The following KCTD16 variants were observed in gnomAD, a reference collection of about 807,000 sequenced individuals.
The protein encoded by KCTD16 is potassium channel tetramerization domain containing 16, also known as BTB/POZ domain-containing protein KCTD16.
KCTD16 carries 13 observed loss-of-function variants against 33.2 expected under a neutral mutation model. The ratio of observed to expected loss-of-function variants is 0.39; its 90% CI spans 0.25 to 0.62. The LOEUF (loss-of-function observed/expected upper bound fraction) is 0.62, where lower values mean the gene tolerates loss of function less well. KCTD16 is among the 20% of genes least tolerant of loss of function. The pLI is 0.50. For synonymous variants in KCTD16, 197 were observed against 195.3 expected (o/e 1.01, Z -0.07); for missense variants, 441 against 525.1 (o/e 0.84, Z 1.57).
chr5:144,333,435 C>T (rs966472761), intron 3 of KCTD16, among the ~76,000 whole-genome samples: 1 of 152,144 alleles, frequency 6.6e-6, no homozygotes, highest in African/African-American at 2.4e-5. Context: ...AGAATCCACC[C>T]AGAATCTCAG....
At chr5:144,296,882 T>G (rs994031030) in intron 3 of KCTD16, among the ~76,000 whole-genome samples, 3 of 152,236 alleles carry the variant, frequency 2.0e-5, no homozygotes, top group African/African-American at 2.4e-5. Flanking sequence ...TGTGGATAAC[T>G]TAGAAGAAAA....
chr5:144,369,322 T>C (rs539132262), intron 3 of KCTD16: 1 of 150,984 alleles, frequency 6.6e-6, no homozygotes, highest in African/African-American at 2.5e-5. Flanking sequence ...CTCTACTGTT[T>C]GTTTTTAGAG....
intron 3 of KCTD16, among the ~76,000 whole-genome samples, chr5:144,416,174 C>T (rs1753049083): frequency 6.6e-6 from 1 of 152,148 alleles, no homozygotes; most frequent in African/African-American, 2.4e-5. Context: ...CTGAATAATT[C>T]TCTCAGTGTT....
chr5:144,276,653 C>T (rs1755445377), intron 3 of KCTD16, among the ~76,000 whole-genome samples: 2 of 152,192 alleles, frequency 1.3e-5, no homozygotes, highest in African/African-American at 4.8e-5. Flanking sequence ...CCTGTAATCT[C>T]AGCAATTTGG....
intron 3 of KCTD16, among the ~76,000 whole-genome samples, chr5:144,436,116 C>T (rs746174838): frequency 1.2e-4 from 19 of 152,198 alleles, no homozygotes; most frequent in Non-Finnish European, 2.5e-4. Context: ...ACCTGTTGTG[C>T]AGATGTGACT....
chr5:144,474,139 A>G lies in KCTD16; in HGVS notation c.*25A>G. ...AGGGAGGGCTGGGGGCGGGAAAAGA[A>G]AAAAAAAAGTCATTTTGAAATTAAC... On this transcript the variant is annotated 3_prime_UTR_variant, in exon 4 of 4. Coordinates refer to ENST00000512467, the MANE Select transcript of KCTD16 (RefSeq NM_020768.4). The G allele has an allele frequency of 6.6e-7, 1 of 1,517,124 alleles. No homozygotes were observed. Among genetic ancestry groups the G allele is most frequent in the Non-Finnish European group, 8.9e-7 (1 of 1,123,990 alleles). The allele number at this position is 1,517,124 out of a possible 1,614,324, so 94.0% of individuals were successfully genotyped here.
intron 3 of KCTD16, among the ~76,000 whole-genome samples, chr5:144,312,573 C>G (rs1422714): frequency 0.11 from 17,475 of 152,194 alleles, 2,589 homozygotes; most frequent in African/African-American, 0.34. Context: ...TCACTACAAG[C>G]ATGTGGTCTC....
intron 3 of KCTD16, among the ~76,000 whole-genome samples, chr5:144,319,208 T>C (rs1016302788): frequency 1.6e-4 from 24 of 152,290 alleles, no homozygotes; most frequent in African/African-American, 5.5e-4. Flanking sequence ...CAATATTATA[T>C]TTGATTCTCA....
chr5:144,402,226 G>A (rs1390546432), intron 3 of KCTD16, among the ~76,000 whole-genome samples: 1 of 152,146 alleles, frequency 6.6e-6, no homozygotes, highest in Admixed American at 6.5e-5. Context: ...CTGTTCGTTG[G>A]CTATAGAAGG....
rs115645024 is a variant in KCTD16 at position 144,229,866 on chromosome 5, G to T, written c.832+22320G>T. 5.6e-3 allele frequency among the ~76,000 whole-genome samples: 854 copies of T among 152,324 alleles called. 5 individuals carry two copies. Among genetic ancestry groups the T allele is most frequent in the Non-Finnish European group, 0.01 (707 of 68,018 alleles). ...CTATTAAACAGGAGTGCAAGGCTGG[G>T]TGCAGTGGCTCACATCTGTAATCCC... On this transcript the variant is annotated intron_variant, in intron 3 of 3. Transcript: ENST00000512467.
intron 3 of KCTD16, among the ~76,000 whole-genome samples, chr5:144,334,890 C>T (rs1752443985): frequency 6.6e-6 from 1 of 152,096 alleles, no homozygotes; most frequent in Admixed American, 6.6e-5. Context: ...GATCCTCCCA[C>T]CTCAGCTTCC....
intron 3 of KCTD16, among the ~76,000 whole-genome samples, chr5:144,254,262 G>C (rs1754783015): frequency 6.6e-6 from 1 of 151,846 alleles, no homozygotes; most frequent in Non-Finnish European, 1.5e-5. Flanking sequence ...TCAGCCTCCT[G>C]AGTAGTGGGG....
At chr5:144,422,551 T>G (rs1753234396) in intron 3 of KCTD16, among the ~76,000 whole-genome samples, 4 of 152,164 alleles carry the variant, frequency 2.6e-5, no homozygotes, top group Non-Finnish European at 5.9e-5. Context: ...CCCTATGTGT[T>G]TAATTTCTGG....
Position 144,299,128 on chromosome 5 carries a change from ATATATATATATATATATATATT to A in KCTD16, c.832+91584_832+91605del, listed in dbSNP as rs1211783772. 7.6e-3 allele frequency among the ~76,000 whole-genome samples: 207 copies of A among 27,384 alleles called. 9 individuals are homozygous for A. The highest frequency in any genetic ancestry group is 0.029 in the South Asian group (23 of 806). 18.0% of individuals were successfully genotyped at this position (27,384 alleles called of 152,430 possible). On this transcript the variant is annotated intron_variant, in intron 3 of 3. Transcript: ENST00000512467. The stretch of plus-strand genomic sequence containing the variant: ...TATATATATATATATATATATATAT[ATATATATATATATATATATATT>A]TTTTTTTTTTTTTTTAACCTGTCAC...
chr5:144,452,165 T>TATATATATATATATATATATATATATATA (rs1561613198), intron 3 of KCTD16, among the ~76,000 whole-genome samples: 12 of 148,272 alleles, frequency 8.1e-5, no homozygotes, highest in African/African-American at 2.8e-4. Context: ...TATATATATA[T>TATATATATATATATATATATATATATATA]TCCTGTCACT....
At chr5:144,239,579 G>A (rs1328925460) in intron 3 of KCTD16, among the ~76,000 whole-genome samples, 1 of 151,934 alleles carries the variant, frequency 6.6e-6, no homozygotes, top group Non-Finnish European at 1.5e-5. Context: ...CTACATCCAT[G>A]GTGTCACCAG....
intron 3 of KCTD16, among the ~76,000 whole-genome samples, chr5:144,213,458 G>A (rs1299392331): frequency 7.8e-6 from 1 of 127,822 alleles, no homozygotes; most frequent in African/African-American, 2.9e-5. Flanking sequence ...CAACTTACTT[G>A]TTTCATGAAA....
intron 3 of KCTD16, among the ~76,000 whole-genome samples, chr5:144,416,473 G>A (rs1042701849): frequency 2.0e-5 from 3 of 152,150 alleles, no homozygotes. Context: ...ACCTCGGATA[G>A]TTCTTTGAAG....
At chr5:144,271,039 C>T (rs2126846767) in intron 3 of KCTD16, among the ~76,000 whole-genome samples, 1 of 151,976 alleles carries the variant, frequency 6.6e-6, no homozygotes, top group Non-Finnish European at 1.5e-5. Context: ...AGTCTTTCAA[C>T]AAAGAAAAGC....
Sources: allele counts gnomAD v4.1 joint callset (sites outside exome capture counted in the v4.1 genomes callset), GRCh38; gene constraint gnomAD v4.1.1; transcripts MANE v1.5; gene names NCBI Gene and HGNC (gene_info 2026-07-23, HGNC 2026-07-21).